Variants in GPR179 observed in about 807,000 individuals in gnomAD.
GPR179 encodes the protein probable G protein-coupled receptor 179.
In GPR179, 52 loss-of-function variants were observed where a neutral mutation model predicts 70.8. The observed-to-expected ratio is 0.73, with a 90% CI of 0.59 to 0.93. The LOEUF (loss-of-function observed/expected upper bound fraction) is 0.93, where lower values mean the gene tolerates loss of function less well. GPR179 is among the 40% of genes least tolerant of loss of function. The probability of loss-of-function intolerance (pLI) is 0.00; values close to 1 mark genes in which losing one functional copy is unlikely to be tolerated. For missense variants in GPR179, 2,734 were observed against 2,966.8 expected, an observed-to-expected ratio of 0.92 and a Z score of 1.82; for synonymous variants, 1,123 against 1,169.0, an observed-to-expected ratio of 0.96 and a Z score of 0.80.
In GPR179 at chr17:38,329,745, T is replaced by G; in HGVS notation, c.3824A>C (p.Glu1275Ala). The G allele has an allele frequency of 6.2e-7, 1 of 1,614,186 alleles. No individual in the cohort carries two copies. Among genetic ancestry groups the G allele is most frequent in the Non-Finnish European group, 8.5e-7 (1 of 1,180,028 alleles). ...TGGGTCTTGTCTTAGTGCCCTCGAC[T>G]CTGGGGCTCCTTCACTCGTCTCCCA... is the stretch of plus-strand genomic sequence containing the variant. ...CPWETSEGAP[E>A]SRALRQDPGD... Residue 1275 changes from glutamate to alanine, a missense_variant, in exon 11 of 11, where the codon GAG becomes GCG. Transcript: ENST00000616987.
rs757517702 is a variant in GPR179 at position 38,343,635 on chromosome 17, G to A, written c.155C>T (p.Pro52Leu). ...VKPGSVPMQVPLEGAEAALAY... is the reference protein window; with the variant it reads ...VKPGSVPMQVLLEGAEAALAY... The stretch of plus-strand genomic sequence containing the variant: ...GAGGGCGGCCTCGGCCCCCTCTAGG[G>A]GCACCTGCATGGGTACAGATCCTGG... The change falls in exon 1 of 11, where the codon CCC becomes CTC. Residue 52 changes from proline to leucine, a missense_variant. Pro to Leu is a moderately conservative substitution (Grantham distance 98). Coordinates refer to ENST00000616987, the MANE Select transcript of GPR179 (RefSeq NM_001004334.4). This position sits in a 1 kb window ranked among gnomAD's most constrained non-coding sequence, Gnocchi z 4.2. 4.3e-6 allele frequency: 7 copies of A among 1,613,776 alleles called. No homozygotes were observed. The South Asian group carries it at 7.7e-5, about 18-fold the overall frequency.
At chr17:38,337,257 G>A (rs1252560401) in intron 3 of GPR179, 44 bp from the exon 4 acceptor site, 2 of 1,540,682 alleles carry the variant, frequency 1.3e-6, no homozygotes, top group African/African-American at 2.7e-5. Context: ...CCCAGCTAGA[G>A]CATCCTGACA....
At position 38,333,314 on chromosome 17, in the gene GPR179, G is replaced by C. The variant is rs2144267025; in HGVS notation, c.1974C>G (p.Ser658=). The change falls in exon 10 of 11, where the codon TCC becomes TCG. Residue 658 remains serine (S), a synonymous_variant. Transcript: ENST00000616987. ...CTGAGGCGATGCTGCTGCCAAGGTA[G>C]GAGCCTGAGTGCTGCAGGTCCAGCT... The part of the protein sequence containing the change: ...EDELDLQHSG[S]YLGSSIASAW... 1 of 1,614,120 alleles carries C rather than the reference G, an allele frequency of 6.2e-7. No individual in the cohort carries two copies. Among genetic ancestry groups the C allele is most frequent in the East Asian group, 2.2e-5 (1 of 44,860 alleles).
At position 38,329,026 on chromosome 17, in the gene GPR179, C is replaced by T; in HGVS notation, c.4543G>A (p.Gly1515Arg). The T allele has an allele frequency of 6.2e-7, 1 of 1,614,126 alleles. No homozygotes were observed. Among genetic ancestry groups the T allele is most frequent in the Non-Finnish European group, 8.5e-7 (1 of 1,180,036 alleles). Reference sequence around the variant, plus strand: ...TTCACAGTTTGTTCCCCCATCTCTCCAAAGCTTCCTTTTCTGGAGGCTTTT... The same window carrying T: ...TTCACAGTTTGTTCCCCCATCTCTCTAAAGCTTCCTTTTCTGGAGGCTTTT... ...KEKASRKGSF[G>R]EMGEQTVKAV... is the part of the protein sequence containing the mutation. The change falls in exon 11 of 11, where the codon GGA (glycine) becomes AGA (arginine). Residue 1515 changes from glycine to arginine, a missense_variant. Coordinates refer to ENST00000616987, the MANE Select transcript of GPR179 (RefSeq NM_001004334.4).
rs777331545 is a variant in GPR179 at position 38,330,383 on chromosome 17, G to A, written c.3186C>T (p.Asp1062=). 43 of 1,612,848 alleles carry A rather than the reference G, an allele frequency of 2.7e-5. No individual in the cohort carries two copies. The East Asian group carries it at 7.4e-4, about 28-fold the overall frequency. ...AHHQREANDV[D]EDRPKIFPKS... is the part of the protein sequence containing the mutation. ...TAGGGAAGATCTTGGGCCTGTCTTC[G>A]TCCACATCATTAGCTTCCCTCTGGT... Residue 1062 remains aspartate (D), a synonymous_variant, in exon 11 of 11, where the codon GAC becomes GAT. Transcript: ENST00000616987.
At chr17:38,338,084 C>A (rs1018356681) in intron 2 of GPR179, among the ~76,000 whole-genome samples, 1 of 152,216 alleles carries the variant, frequency 6.6e-6, no homozygotes, top group Non-Finnish European at 1.5e-5. Flanking sequence ...CCCAGCCATA[C>A]CTTGTGTGCC....
In GPR179 at chr17:38,334,932, C is replaced by T. The variant is rs1185159311; in HGVS notation, c.1646-90G>A. 1.0e-5 allele frequency: 16 copies of T among 1,594,392 alleles called. No homozygotes were observed. Among genetic ancestry groups the T allele is most frequent in the Non-Finnish European group, 1.4e-5 (16 of 1,166,368 alleles). Reference sequence around the variant, plus strand: ...AAAGATGTGCTGGGGGGAGCCTGGGCTCGGGGTCTGGGGACAAGTCAGGAG... The same window carrying T: ...AAAGATGTGCTGGGGGGAGCCTGGGTTCGGGGTCTGGGGACAAGTCAGGAG... On this transcript the variant is annotated intron_variant, in intron 7 of 10. Coordinates refer to ENST00000616987, the MANE Select transcript of GPR179 (RefSeq NM_001004334.4). The surrounding 1 kb of genome is among the most constrained non-coding windows in gnomAD (Gnocchi z 4.7).
chr17:38,336,030 A>G (rs773896580), intron 5 of GPR179, 46 bp downstream of exon 5: 25 of 1,390,582 alleles, frequency 1.8e-5, no homozygotes, highest in Admixed American at 3.3e-5. Flanking sequence ...GGTTTTGGCT[A>G]TGGGGGATGC....
chr17:38,339,217 G>A, intron 2 of GPR179, 200 bp downstream of exon 2: 2 of 531,546 alleles, frequency 3.8e-6, no homozygotes, highest in South Asian at 5.5e-5. Context: ...GAGGAATAGG[G>A]GGTGGGGGGG....
chr17:38,328,402 C>A lies in GPR179; in HGVS notation c.5167G>T (p.Ala1723Ser). 6.2e-7 allele frequency: 1 copy of A among 1,614,072 alleles called. No individual in the cohort carries two copies. The highest frequency in any genetic ancestry group is 8.5e-7 in the Non-Finnish European group (1 of 1,179,988). The change falls in exon 11 of 11, where the codon GCC (alanine) becomes TCC (serine). Residue 1723 changes from alanine (A) to serine (S), a missense_variant. Transcript: ENST00000616987. ...GTATCATTTGGAGATTTCCTAATGGCCTCAGCTCCCAAAGCCCTTTCCTCC... is the reference window on the plus strand; with the variant it reads ...GTATCATTTGGAGATTTCCTAATGGACTCAGCTCCCAAAGCCCTTTCCTCC... ...AGEERALGAE[A>S]IRKSPNDTGK...
In GPR179 at chr17:38,330,768, C is replaced by G; in HGVS notation, c.2801G>C (p.Arg934Thr). The change falls in exon 11 of 11, where the codon AGG becomes ACG. Residue 934 changes from arginine (R) to threonine (T), a missense_variant. By Grantham distance (71) the Arg-to-Thr change is moderately conservative (BLOSUM62 -1). Transcript: ENST00000616987. ...CAAGATGGGGGTAGAAACCTGGTGC[C>G]TGATGGGTGGATGAGGCAGCCTTCT... ...ARRRLPHPPI[R>T]HQVSTPILAL... 1 of 1,592,086 alleles carries G rather than the reference C, an allele frequency of 6.3e-7. No homozygotes were observed. The highest frequency in any genetic ancestry group is 8.6e-7 in the Non-Finnish European group (1 of 1,166,868).
At position 38,336,987 on chromosome 17, in the gene GPR179, G is replaced by A. The variant is rs537755533; in HGVS notation, c.1218C>T (p.Arg406=). The stretch of plus-strand genomic sequence containing the variant: ...GTGGGGCCTTCCTTGCCTTGTTCCG[G>A]CGGCAGCGGTAGGAGACCAGCATGC... ...FLSMLVSYRC[R]RNKRIWASGV... is the part of the protein sequence containing the mutation. Residue 406 remains arginine (R), a synonymous_variant, in exon 4 of 11, where the codon CGC becomes CGT. Coordinates refer to ENST00000616987, the MANE Select transcript of GPR179 (RefSeq NM_001004334.4). The A allele has an allele frequency of 6.3e-7, 1 of 1,596,284 alleles. No homozygotes were observed. Among genetic ancestry groups the A allele is most frequent in the African/African-American group, 1.3e-5 (1 of 74,902 alleles).
intron 9 of GPR179, 21 bp downstream of exon 9, chr17:38,333,912 G>A: frequency 6.4e-7 from 1 of 1,572,358 alleles, no homozygotes; most frequent in Non-Finnish European, 8.7e-7. Context: ...CCACCTCACA[G>A]GCAGGAGGGG....
rs1253192849 is a variant in GPR179, at chr17:38,343,205, A to T, written c.585T>A (p.Pro195=). Residue 195 remains proline (P), a synonymous_variant, in exon 1 of 11, where the codon CCT becomes CCA. Coordinates refer to ENST00000616987, the MANE Select transcript of GPR179 (RefSeq NM_001004334.4). The surrounding 1 kb of genome is among the most constrained non-coding windows in gnomAD (Gnocchi z 4.2). ...EENPPGDLDT[P]ALKKRVLTND... is the part of the protein sequence containing the mutation. ...TGGTCAACACTCGCTTCTTCAGGGC[A>T]GGGGTGTCCAGGTCCCCAGGAGGGT... The T allele has an allele frequency of 2.5e-6, 4 of 1,614,110 alleles. No individual in the cohort carries two copies. The Admixed American group carries it at 6.7e-5, about 27-fold the overall frequency.
chr17:38,331,008 G>C lies in GPR179; in HGVS notation c.2561C>G (p.Ala854Gly). 6.2e-7 allele frequency: 1 copy of C among 1,611,246 alleles called. No individual in the cohort carries two copies. The highest frequency in any genetic ancestry group is 8.5e-7 in the Non-Finnish European group (1 of 1,179,930). Residue 854 changes from alanine (A) to glycine (G), a missense_variant, in exon 11 of 11, where the codon GCC becomes GGC. Ala to Gly is a moderately conservative substitution (Grantham distance 60). Transcript: ENST00000616987. ...ASSREKALLM[A>G]SQAYLEETYR... Reference sequence around the variant, plus strand: ...GGTCTCCTCCAGGTAGGCCTGGCTGGCCATGAGCAAGGCCTTTTCCCTGGA... The same window carrying C: ...GGTCTCCTCCAGGTAGGCCTGGCTGCCCATGAGCAAGGCCTTTTCCCTGGA...
intron 6 of GPR179, 150 bp downstream of exon 6, chr17:38,335,441 G>A (rs957538885): frequency 6.7e-6 from 5 of 748,842 alleles, no homozygotes; most frequent in Non-Finnish European, 1.1e-5. Context: ...AAAGTAACAT[G>A]GAAGACAAGG....
At chr17:38,338,440 C>T (rs750088630) in intron 2 of GPR179, among the ~76,000 whole-genome samples, 10 of 152,208 alleles carry the variant, frequency 6.6e-5, no homozygotes, top group Admixed American at 5.9e-4. Context: ...CTATATCGAG[C>T]CCCTGACCTC....
intron 1 of GPR179, among the ~76,000 whole-genome samples, chr17:38,341,379 T>C (rs2037447876): frequency 2.6e-5 from 4 of 152,114 alleles, no homozygotes; most frequent in Non-Finnish European, 4.4e-5. Flanking sequence ...AGAGATCAGC[T>C]CAGCTATTAA....
intron 1 of GPR179, among the ~76,000 whole-genome samples, chr17:38,342,597 C>T (rs2037458458): frequency 6.6e-6 from 1 of 152,218 alleles, no homozygotes; most frequent in Non-Finnish European, 1.5e-5. Context: ...CCTCAGCCTC[C>T]CAAAGTGTTG....
Sources: gnomAD v4.1 joint callset for allele counts (sites outside exome capture counted in the v4.1 genomes callset) on GRCh38, gnomAD v4.1.1 for gene constraint, Gnocchi (gnomAD v3.1) non-coding constraint, MANE v1.5 for transcripts, NCBI Gene and HGNC (gene_info 2026-07-23, HGNC 2026-07-21) for gene names.